CAST: variants seen among roughly 807,000 people sequenced by gnomAD.
CAST encodes calpastatin.
In CAST, 76 loss-of-function variants were observed where a neutral mutation model predicts 119.6. The observed-to-expected ratio is 0.64, with a 90% CI of 0.53 to 0.77. The LOEUF is 0.77. Among genes scored for constraint, CAST ranks in the 30% least tolerant of loss-of-function variants. CAST has a pLI of 0.00. For synonymous variants in CAST, 319 were observed against 331.6 expected (o/e 0.96, Z 0.41); for missense variants, 953 against 946.5 (o/e 1.01, Z -0.09).
intron 1 of CAST, among the ~76,000 whole-genome samples, chr5:96,623,007 G>A (rs190034079): frequency 6.6e-6 from 1 of 151,742 alleles, no homozygotes; most frequent in East Asian, 1.9e-4. Context: ...GGGACTACAG[G>A]TGCGCACCAC....
At chr5:96,028,328 C>A in the CAST span, among the ~76,000 whole-genome samples, 1 of 151,646 alleles carries the variant, frequency 6.6e-6, no homozygotes, top group South Asian at 2.1e-4. Flanking sequence ...AGGTTTATTT[C>A]GGTATAATTG....
the CAST span, among the ~76,000 whole-genome samples, chr5:96,468,514 C>G: frequency 3.3e-5 from 5 of 152,112 alleles, no homozygotes; most frequent in Non-Finnish European, 7.4e-5. Flanking sequence ...CTATCTCATT[C>G]AATCCCATTG....
chr5:96,762,186 C>A, intron 24 of CAST, 88 bp from the exon 25 acceptor site: 1 of 677,506 alleles, frequency 1.5e-6, no homozygotes, highest in Non-Finnish European at 2.4e-6. Flanking sequence ...AGTCATTAAG[C>A]TATCTTTAAG....
At chr5:96,102,171 G>T in the CAST span, among the ~76,000 whole-genome samples, 1 of 152,168 alleles carries the variant, frequency 6.6e-6, no homozygotes, top group East Asian at 1.9e-4. Flanking sequence ...TACTTGGTGG[G>T]TCCTGAGCTC....
chr5:96,176,725 C>G, the CAST span, among the ~76,000 whole-genome samples: 1 of 152,174 alleles, frequency 6.6e-6, no homozygotes. Flanking sequence ...TCTTCCTGAG[C>G]CCCTTCTGAT....
the CAST span, among the ~76,000 whole-genome samples, chr5:96,016,834 T>G: frequency 7.1e-6 from 1 of 141,064 alleles, no homozygotes; most frequent in Non-Finnish European, 1.5e-5. Context: ...TCTGGGTTTT[T>G]TTTTTTTTTT....
chr5:96,460,227 G>T, the CAST span, among the ~76,000 whole-genome samples: 3 of 152,074 alleles, frequency 2.0e-5, no homozygotes, highest in Admixed American at 2.0e-4. Flanking sequence ...CCCAGAAAAA[G>T]ACTATTATGA....
the CAST span, among the ~76,000 whole-genome samples, chr5:96,518,862 TAA>T: frequency 2.0e-5 from 3 of 151,914 alleles, no homozygotes; most frequent in Non-Finnish European, 4.4e-5. Flanking sequence ...AAAATATTTT[TAA>T]AAAATTAGCT....
chr5:96,541,057 G>A (rs1406621371), intron 1 of CAST, among the ~76,000 whole-genome samples: 2 of 152,098 alleles, frequency 1.3e-5, no homozygotes, highest in Non-Finnish European at 2.9e-5. Flanking sequence ...AACATCCTAA[G>A]GAGTGTAGAG....
chr5:96,433,293 C>T, the CAST span: 1 of 535,900 alleles, frequency 1.9e-6, no homozygotes, highest in South Asian at 2.0e-5. Flanking sequence ...AGTGTTTACA[C>T]GTCAAATCGA....
the CAST span, among the ~76,000 whole-genome samples, chr5:96,397,643 T>C: frequency 2.6e-5 from 4 of 152,212 alleles, no homozygotes; most frequent in African/African-American, 4.8e-5. Context: ...TTTTTATCTA[T>C]AGTGCTTAGC....
chr5:96,281,703 A>G, the CAST span, among the ~76,000 whole-genome samples: 1 of 152,210 alleles, frequency 6.6e-6, no homozygotes, highest in African/African-American at 2.4e-5. Context: ...AAGGGTACAA[A>G]GCAACTGTTT....
the CAST span, among the ~76,000 whole-genome samples, chr5:96,401,604 C>T: frequency 2.6e-5 from 4 of 152,144 alleles, no homozygotes; most frequent in African/African-American, 9.7e-5. Context: ...ATGATGAGGC[C>T]TTCCTTGATC....
the CAST span, among the ~76,000 whole-genome samples, chr5:96,209,626 A>C: frequency 1.4e-4 from 21 of 152,050 alleles, no homozygotes; most frequent in South Asian, 4.3e-3. Context: ...TTTCTTTAAG[A>C]ATATTGAATA....
the CAST span, chr5:96,110,837 C>T: frequency 6.6e-6 from 1 of 152,136 alleles, no homozygotes; most frequent in Non-Finnish European, 1.5e-5. Context: ...GTTTTCAATT[C>T]TAAAAAATCA....
At chr5:96,659,727 G>A (rs913851867), upstream of CAST, among the ~76,000 whole-genome samples, 1 of 152,008 alleles carries the variant, frequency 6.6e-6, no homozygotes, top group South Asian at 2.1e-4. Flanking sequence ...ACGGGGTTTC[G>A]TCGTGTTGCC....
the CAST span, among the ~76,000 whole-genome samples, chr5:96,115,362 A>C: frequency 2.9e-3 from 435 of 152,334 alleles, 2 homozygotes; most frequent in African/African-American, 0.01. Flanking sequence ...TTAGCACCAC[A>C]CACCTAATGA....
At chr5:96,257,566 C>T in the CAST span, among the ~76,000 whole-genome samples, 1 of 152,168 alleles carries the variant, frequency 6.6e-6, no homozygotes, top group African/African-American at 2.4e-5. Context: ...TGGTATTGCA[C>T]TCCATTCAAA....
chr5:96,368,966 C>G, the CAST span, among the ~76,000 whole-genome samples: 2 of 152,102 alleles, frequency 1.3e-5, no homozygotes, highest in South Asian at 4.2e-4. Flanking sequence ...TTTTCTCACC[C>G]ATTTGAAAGT....
Sources: allele counts gnomAD v4.1 joint callset (sites outside exome capture counted in the v4.1 genomes callset), GRCh38; gene constraint gnomAD v4.1.1; transcripts MANE v1.5; gene names NCBI Gene and HGNC (gene_info 2026-07-23, HGNC 2026-07-21).